CSMD3: variants seen among roughly 807,000 people sequenced by gnomAD.
CSMD3 encodes the protein CUB and sushi domain-containing protein 3.
In CSMD3, 177 loss-of-function variants were observed where a neutral mutation model predicts 435.2. That is an observed-to-expected ratio of 0.41 (90% CI 0.36 to 0.46). The LOEUF (loss-of-function observed/expected upper bound fraction) is 0.46. CSMD3 is among the 20% of genes least tolerant of loss of function. The pLI, the probability that CSMD3 is intolerant of heterozygous loss-of-function variation, is 0.34. For missense variants in CSMD3, 4,265 were observed against 4,504.6 expected (o/e 0.95, Z 1.52); for synonymous variants, 1,656 against 1,520.5 (o/e 1.09, Z -2.07).
chr8:112,910,686 A>G (rs1046469240), intron 10 of CSMD3, among the ~76,000 whole-genome samples: 1 of 151,786 alleles, frequency 6.6e-6, no homozygotes, highest in African/African-American at 2.4e-5. Flanking sequence ...CACATCTTAA[A>G]AACAATCTTT....
At chr8:112,535,096 T>C (rs1825933537) in intron 27 of CSMD3, among the ~76,000 whole-genome samples, 1 of 152,122 alleles carries the variant, frequency 6.6e-6, no homozygotes, top group Admixed American at 6.6e-5. Flanking sequence ...AAGCATTCCC[T>C]TTGAAAACTG....
chr8:112,460,183 T>C (rs1357030868), intron 32 of CSMD3, among the ~76,000 whole-genome samples: 1 of 152,098 alleles, frequency 6.6e-6, no homozygotes, highest in Non-Finnish European at 1.5e-5. Context: ...AACCATTGTT[T>C]ACATAACCTG....
chr8:113,329,075 A>G lies in CSMD3; in HGVS notation c.179-14282T>C, dbSNP rs371245685. ...TCATGTTTTCAACAAAAATTATGAC[A>G]CATTTTAAGAAACTGGAAAGTATGG... On this transcript the variant is annotated intron_variant, in intron 1 of 70. Transcript: ENST00000297405. Among the ~76,000 whole-genome samples, 6 of 151,938 alleles carry G rather than the reference A, an allele frequency of 3.9e-5. No homozygotes were observed. The East Asian group carries it at 1.2e-3, about 30-fold the overall frequency.
chr8:112,300,525 C>T (rs1051969458), intron 53 of CSMD3, among the ~76,000 whole-genome samples: 2 of 151,816 alleles, frequency 1.3e-5, no homozygotes, highest in Non-Finnish European at 2.9e-5. Context: ...CATCCATATG[C>T]CCAACCTTAT....
chr8:112,902,064 A>T (rs1004888816), intron 10 of CSMD3, among the ~76,000 whole-genome samples: 1 of 151,290 alleles, frequency 6.6e-6, no homozygotes, highest in Non-Finnish European at 1.5e-5. Context: ...CCAGTAGAAA[A>T]GTACTATTAC....
chr8:113,238,911 T>A (rs2093180261), intron 3 of CSMD3, among the ~76,000 whole-genome samples: 1 of 152,114 alleles, frequency 6.6e-6, no homozygotes. Context: ...AGATACTTGG[T>A]CAAACATTAT....
chr8:112,824,196 C>G (rs1451721538), intron 12 of CSMD3, among the ~76,000 whole-genome samples: 1 of 151,678 alleles, frequency 6.6e-6, no homozygotes, highest in Non-Finnish European at 1.5e-5. Flanking sequence ...CTATTTGTGT[C>G]TTTGCACATA....
At chr8:112,474,895 T>C (rs150702812) in intron 31 of CSMD3, among the ~76,000 whole-genome samples, 174 of 152,220 alleles carry the variant, frequency 1.1e-3, no homozygotes, top group Admixed American at 3.8e-3. Context: ...TAGAATTATC[T>C]AGAAAAAACA....
intron 22 of CSMD3, among the ~76,000 whole-genome samples, chr8:112,600,298 A>G (rs886726774): frequency 2.6e-5 from 4 of 152,204 alleles, no homozygotes; most frequent in African/African-American, 7.2e-5. Flanking sequence ...TTTATTTAAA[A>G]TTCACTGAAA....
intron 6 of CSMD3, among the ~76,000 whole-genome samples, chr8:112,991,022 G>GA (rs1238798407): frequency 6.6e-6 from 1 of 151,620 alleles, no homozygotes; most frequent in East Asian, 1.9e-4. Flanking sequence ...AAGAAAAATG[G>GA]AAAAACAGAA....
intron 38 of CSMD3, among the ~76,000 whole-genome samples, chr8:112,361,842 A>C (rs574124969): frequency 1.3e-5 from 2 of 151,722 alleles, no homozygotes; most frequent in East Asian, 3.9e-4. Flanking sequence ...ACAAAAGTTA[A>C]ATCATGTGTC....
chr8:112,828,966 T>C (rs2079781103), intron 12 of CSMD3, among the ~76,000 whole-genome samples: 1 of 151,786 alleles, frequency 6.6e-6, no homozygotes, highest in Non-Finnish European at 1.5e-5. Flanking sequence ...ATTACAGGAT[T>C]CTGGAATAAT....
chr8:112,939,404 A>C (rs2083381970), intron 9 of CSMD3, among the ~76,000 whole-genome samples: 1 of 152,062 alleles, frequency 6.6e-6, no homozygotes, highest in Admixed American at 6.6e-5. Flanking sequence ...TTCACTAGGC[A>C]AGTTCATGAG....
At chr8:113,041,861 G>A (rs1242814880) in intron 5 of CSMD3, among the ~76,000 whole-genome samples, 4 of 152,112 alleles carry the variant, frequency 2.6e-5, no homozygotes, top group Non-Finnish European at 5.9e-5. Flanking sequence ...TAATCAGTCT[G>A]AGATATATTT....
At chr8:112,547,398 A>C (rs2131171473) in intron 27 of CSMD3, among the ~76,000 whole-genome samples, 1 of 152,190 alleles carries the variant, frequency 6.6e-6, no homozygotes, top group Non-Finnish European at 1.5e-5. Context: ...AAAAAAAATA[A>C]AAATTAGTGA....
chr8:112,588,887 C>G (rs1303836230), intron 22 of CSMD3, among the ~76,000 whole-genome samples: 1 of 152,038 alleles, frequency 6.6e-6, no homozygotes, highest in African/African-American at 2.4e-5. Context: ...CATTTTAATT[C>G]TCCTTTATTT....
intron 54 of CSMD3, among the ~76,000 whole-genome samples, chr8:112,294,388 T>C (rs1226549516): frequency 1.3e-5 from 2 of 152,074 alleles, no homozygotes; most frequent in African/African-American, 4.8e-5. Flanking sequence ...TTACAACATA[T>C]TTACAGTACT....
At chr8:113,394,500 C>T (rs1044606071) in intron 1 of CSMD3, among the ~76,000 whole-genome samples, 2 of 151,994 alleles carry the variant, frequency 1.3e-5, no homozygotes, top group African/African-American at 4.8e-5. Context: ...CCTAAAAATG[C>T]TGGATCACAT....
intron 1 of CSMD3, among the ~76,000 whole-genome samples, chr8:113,353,548 C>A (rs990089446): frequency 6.6e-6 from 1 of 152,138 alleles, no homozygotes; most frequent in Non-Finnish European, 1.5e-5. Flanking sequence ...CCATCCTCTG[C>A]ATTGAGACAT....
Sources: allele counts gnomAD v4.1 joint callset (sites outside exome capture counted in the v4.1 genomes callset), GRCh38; gene constraint gnomAD v4.1.1; transcripts MANE v1.5; gene names NCBI Gene and HGNC (gene_info 2026-07-23, HGNC 2026-07-21).